Variants in BMPR2 observed in about 807,000 individuals in gnomAD.
The protein encoded by BMPR2 is bone morphogenetic protein receptor type-2.
In BMPR2, 29 loss-of-function variants were observed where a neutral mutation model predicts 100.8. The ratio of observed to expected loss-of-function variants is 0.29; its 90% CI spans 0.21 to 0.39. BMPR2 has a LOEUF of 0.39. Among genes scored for constraint, BMPR2 ranks in the 10% least tolerant of loss-of-function variants. BMPR2 has a pLI of 1.00. For synonymous variants in BMPR2, 382 were observed against 442.3 expected (o/e 0.86, Z 1.71); for missense variants, 1,011 against 1,274.5 (o/e 0.79, Z 3.15).
At chr2:202,514,544 G>C (rs1250283982) in intron 4 of BMPR2, among the ~76,000 whole-genome samples, 1 of 152,096 alleles carries the variant, frequency 6.6e-6, no homozygotes, top group Non-Finnish European at 1.5e-5. Flanking sequence ...ATATACTTTA[G>C]GTTTGATGGA....
intron 3 of BMPR2, 37 bp from the exon 4 acceptor site, chr2:202,513,682 A>T (rs544311180): frequency 3.6e-4 from 509 of 1,421,894 alleles, no homozygotes; most frequent in South Asian, 7.9e-4. Context: ...ATACTTTTTT[A>T]AAAAAAAATG....
chr2:202,411,841 T>C (rs375028095), intron 1 of BMPR2, among the ~76,000 whole-genome samples: 1 of 152,108 alleles, frequency 6.6e-6, no homozygotes, highest in Non-Finnish European at 1.5e-5. Flanking sequence ...TTTAAAAAAG[T>C]CTCAAAGTCA....
intron 1 of BMPR2, among the ~76,000 whole-genome samples, chr2:202,413,763 C>G (rs1691063756): frequency 6.6e-6 from 1 of 151,918 alleles, no homozygotes; most frequent in Admixed American, 6.6e-5. Flanking sequence ...CTCCCGTGTT[C>G]AAATGATCCT....
chr2:202,444,764 A>G (rs554301216), intron 1 of BMPR2, among the ~76,000 whole-genome samples: 1 of 150,950 alleles, frequency 6.6e-6, no homozygotes, highest in Admixed American at 6.6e-5. Context: ...ACAAAGCCAA[A>G]TAATCTTCTC....
In BMPR2 at chr2:202,464,765, A is replaced by C. The variant is rs752864146; in HGVS notation, c.77-44A>C. 3.2e-5 allele frequency: 49 copies of C among 1,546,236 alleles called. 1 individual carries two copies. In the South Asian group the frequency reaches 5.8e-4, roughly 18 times the overall value. On this transcript the variant is annotated intron_variant, in intron 1 of 12. Coordinates refer to ENST00000374580, the MANE Select transcript of BMPR2 (RefSeq NM_001204.7). ...GACAAAGATTTTATATAATATTTTGAAAACATTAAATAATTTGTCATTCCT... is the reference window on the plus strand; with the variant it reads ...GACAAAGATTTTATATAATATTTTGCAAACATTAAATAATTTGTCATTCCT...
intron 3 of BMPR2, among the ~76,000 whole-genome samples, chr2:202,484,968 CAAAAAAAAAAAA>C (rs747890922): frequency 8.4e-5 from 5 of 59,864 alleles, no homozygotes; most frequent in African/African-American, 3.4e-4. Context: ...GACTCCGTCT[CAAAAAAAAAAAA>C]AAAAAAAAGA....
chr2:202,380,197 A>C (rs77466720), intron 1 of BMPR2, among the ~76,000 whole-genome samples: 6,642 of 129,790 alleles, frequency 0.051, 450 homozygotes, highest in African/African-American at 0.17. Context: ...TGCCCCCCCC[A>C]AAAAAAAAAA....
At chr2:202,504,538 G>A (rs1226129809) in intron 3 of BMPR2, among the ~76,000 whole-genome samples, 1 of 152,138 alleles carries the variant, frequency 6.6e-6, no homozygotes, top group East Asian at 1.9e-4. Flanking sequence ...ACCACCTGAA[G>A]AGCTGTAACA....
intron 3 of BMPR2, among the ~76,000 whole-genome samples, chr2:202,493,781 CT>C (rs1362124516): frequency 2.0e-5 from 3 of 152,074 alleles, no homozygotes; most frequent in African/African-American, 7.2e-5. Flanking sequence ...TGGAATTTAA[CT>C]TTAGACTGTT....
At chr2:202,468,008 T>G (rs1427602262) in intron 3 of BMPR2, among the ~76,000 whole-genome samples, 1 of 151,830 alleles carries the variant, frequency 6.6e-6, no homozygotes, top group Non-Finnish European at 1.5e-5. Flanking sequence ...GATTGCACCA[T>G]TGCACTCCAG....
intron 1 of BMPR2, among the ~76,000 whole-genome samples, chr2:202,393,692 G>A (rs1381160259): frequency 6.6e-6 from 1 of 152,006 alleles, no homozygotes. Flanking sequence ...ATAAATGACA[G>A]TACCAGAAGA....
chr2:202,453,152 G>T (rs1692021286), intron 1 of BMPR2, among the ~76,000 whole-genome samples: 2 of 151,874 alleles, frequency 1.3e-5, no homozygotes, highest in South Asian at 2.1e-4. Flanking sequence ...TTCAAGCAAG[G>T]ACGTGACGTG....
chr2:202,536,636 G>GC (rs1381811783), intron 9 of BMPR2, among the ~76,000 whole-genome samples: 3 of 152,110 alleles, frequency 2.0e-5, no homozygotes, highest in South Asian at 2.1e-4. Flanking sequence ...ACCTTAGGAG[G>GC]CCGAGGCAAG....
intron 1 of BMPR2, among the ~76,000 whole-genome samples, chr2:202,447,754 T>C (rs1367466708): frequency 2.7e-5 from 4 of 150,744 alleles, no homozygotes; most frequent in Non-Finnish European, 4.4e-5. Flanking sequence ...AGTACACTTA[T>C]ACATATTTGT....
chr2:202,524,678 G>A (rs1236437959), intron 7 of BMPR2, among the ~76,000 whole-genome samples: 1 of 151,988 alleles, frequency 6.6e-6, no homozygotes, highest in Non-Finnish European at 1.5e-5. Context: ...GGGAGGCGGA[G>A]GTTACAGTGA....
intron 1 of BMPR2, among the ~76,000 whole-genome samples, chr2:202,413,580 A>G (rs984567244): frequency 4.6e-5 from 7 of 152,200 alleles, no homozygotes; most frequent in Non-Finnish European, 7.3e-5. Flanking sequence ...TATAGAACAT[A>G]CAAGAATCAT....
chr2:202,439,381 T>A (rs1486993569), intron 1 of BMPR2, among the ~76,000 whole-genome samples: 1 of 147,624 alleles, frequency 6.8e-6, no homozygotes, highest in African/African-American at 2.6e-5. Context: ...TTTGCTTATA[T>A]ACAAGCAAAT....
At chr2:202,481,633 C>T (rs1692662143) in intron 3 of BMPR2, among the ~76,000 whole-genome samples, 1 of 152,144 alleles carries the variant, frequency 6.6e-6, no homozygotes, top group Non-Finnish European at 1.5e-5. Context: ...TCTCTTAATT[C>T]ATGAACACGA....
At position 202,514,875 on chromosome 2, in the gene BMPR2, C is replaced by A. The variant is rs1224397184; in HGVS notation, c.530-13C>A. On this transcript the variant is annotated splice_polypyrimidine_tract_variant and intron_variant, in intron 4 of 12. Transcript: ENST00000374580. ...AAAACCATATATTAGTAACCTGTTT[C>A]CTGTTCTTATAGGAGACCGTAAACA... The A allele has an allele frequency of 3.6e-5, 58 of 1,604,160 alleles. No individual in the cohort carries two copies. The highest frequency in any genetic ancestry group is 4.9e-5 in the Non-Finnish European group (57 of 1,171,162).
Sources: gnomAD v4.1 joint callset for allele counts (sites outside exome capture counted in the v4.1 genomes callset) on GRCh38, gnomAD v4.1.1 for gene constraint, MANE v1.5 for transcripts, NCBI Gene and HGNC (gene_info 2026-07-23, HGNC 2026-07-21) for gene names.